The following FRAS1 variants were observed in gnomAD, a reference collection of about 807,000 sequenced individuals.
FRAS1 encodes the protein extracellular matrix organizing protein FRAS1.
FRAS1 carries 290 observed loss-of-function variants against 435.2 expected under a neutral mutation model. The observed-to-expected ratio is 0.67, with a 90% CI of 0.61 to 0.73. The LOEUF (loss-of-function observed/expected upper bound fraction) is 0.73, where lower values mean the gene tolerates loss of function less well. Ranked by LOEUF, FRAS1 falls within the 30% of genes least tolerant of loss-of-function variation. The pLI, the probability that FRAS1 is intolerant of heterozygous loss-of-function variation, is 0.00. For missense variants in FRAS1, 4,860 were observed against 5,001.5 expected, an observed-to-expected ratio of 0.97 and a Z score of 0.85; for synonymous variants, 1,800 against 1,851.0, an observed-to-expected ratio of 0.97 and a Z score of 0.71.
At chr4:78,161,079 T>C (rs1046453004) in intron 2 of FRAS1, among the ~76,000 whole-genome samples, 1 of 152,012 alleles carries the variant, frequency 6.6e-6, no homozygotes, top group African/African-American at 2.4e-5. Flanking sequence ...GCAGATGTTA[T>C]AGTGAGCTGA....
intron 58 of FRAS1, among the ~76,000 whole-genome samples, chr4:78,487,054 G>A (rs1043959489): frequency 2.6e-5 from 4 of 152,080 alleles, no homozygotes; most frequent in African/African-American, 7.2e-5. Context: ...TGCTGGGAGC[G>A]GAAAAGCTTC....
At chr4:78,442,662 T>C (rs76025477) in intron 41 of FRAS1, among the ~76,000 whole-genome samples, 3,948 of 152,322 alleles carry the variant, frequency 0.026, 173 homozygotes, top group African/African-American at 0.09. Flanking sequence ...AGAGGACTAT[T>C]CCCTGGCTAA....
intron 47 of FRAS1, among the ~76,000 whole-genome samples, chr4:78,455,633 T>C (rs775136615): frequency 1.3e-5 from 2 of 152,180 alleles, no homozygotes; most frequent in Non-Finnish European, 2.9e-5. Flanking sequence ...GATTGTCCTC[T>C]GTAGACAGGA....
chr4:78,456,204 T>A (rs35910872), intron 47 of FRAS1, among the ~76,000 whole-genome samples: 1 of 104,496 alleles, frequency 9.6e-6, no homozygotes, highest in East Asian at 2.3e-4. Context: ...AGTGCAACGG[T>A]GTGATCTTGG....
rs755229493 is a variant in FRAS1, at chr4:78,541,305, C to T, written c.*181C>T. 4 of 413,468 alleles carry T rather than the reference C, an allele frequency of 9.7e-6. No individual in the cohort carries two copies. Among genetic ancestry groups the T allele is most frequent in the Non-Finnish European group, 1.7e-5 (4 of 235,134 alleles). 25.6% of individuals were successfully genotyped at this position (413,468 alleles called of 1,614,324 possible). On this transcript the variant is annotated 3_prime_UTR_variant, in exon 74 of 74. Transcript: ENST00000512123. ...TCATTCAGCAAAGAACCACTGAGAA[C>T]CCCAGAGTATTACAGTTATTTCCGT...
At chr4:78,421,818 G>T in intron 33 of FRAS1, 45 bp from the exon 34 acceptor site, 2 of 1,605,676 alleles carry the variant, frequency 1.2e-6, no homozygotes, top group Non-Finnish European at 1.7e-6. Flanking sequence ...TTCAGTCAGT[G>T]ATGAGAATTA....
Position 78,479,726 on chromosome 4 carries a change from A to G in FRAS1, c.8443+8A>G, listed in dbSNP as rs373820698. 491 of 1,554,384 alleles carry G rather than the reference A, an allele frequency of 3.2e-4. No homozygotes were observed. Among genetic ancestry groups the G allele is most frequent in the Non-Finnish European group, 3.8e-4 (432 of 1,145,856 alleles). On this transcript the variant is annotated splice_region_variant and intron_variant, in intron 56 of 73. Coordinates refer to ENST00000512123, the MANE Select transcript of FRAS1 (RefSeq NM_025074.7). The stretch of plus-strand genomic sequence containing the variant: ...CTGTCAGTGAGGACGCAGGTAATGG[A>G]GAGTGTCTCTGAGTTTCCTTCACCT...
In FRAS1 at chr4:78,228,944, G is replaced by A. The variant is rs370951157; in HGVS notation, c.109-8566G>A. 1.2e-4 allele frequency among the ~76,000 whole-genome samples: 18 copies of A among 152,310 alleles called. No individual in the cohort carries two copies. In the East Asian group the frequency reaches 1.7e-3, roughly 15 times the overall value. On this transcript the variant is annotated intron_variant, in intron 2 of 73. Transcript: ENST00000512123. ...GACTCAGAAAAGCTAAGAGATTTGT[G>A]CGGAGTCCTAAAGCTAAGAAGTAAA...
At chr4:78,461,671 C>T (rs1180550583) in intron 47 of FRAS1, among the ~76,000 whole-genome samples, 1 of 152,178 alleles carries the variant, frequency 6.6e-6, no homozygotes, top group Non-Finnish European at 1.5e-5. Context: ...GTACTACCAC[C>T]TTGGAAAAGC....
In FRAS1 at chr4:78,286,539, G is replaced by T. The variant is rs752978311; in HGVS notation, c.1534G>T (p.Val512Phe). The T allele has an allele frequency of 6.2e-7, 1 of 1,611,278 alleles. No homozygotes were observed. Among genetic ancestry groups the T allele is most frequent in the Non-Finnish European group, 8.5e-7 (1 of 1,179,234 alleles). ...CTACCAAGATCGCCATTCCTGTGCA[G>T]GTAATCTCTGGCTGGGCCACAGTTG... is the stretch of plus-strand genomic sequence containing the variant. ...GFYQDRHSCA[V>F]CHESCAGCWG... is the part of the protein sequence containing the mutation. Residue 512 changes from valine (V) to phenylalanine (F), a missense_variant and splice_region_variant, in exon 14 of 74, where the codon GTC becomes TTC. Coordinates refer to ENST00000512123, the MANE Select transcript of FRAS1 (RefSeq NM_025074.7).
chr4:78,145,016 T>C (rs1416833290), intron 2 of FRAS1, among the ~76,000 whole-genome samples: 1 of 152,246 alleles, frequency 6.6e-6, no homozygotes, highest in Admixed American at 6.5e-5. Context: ...ACAATATTCA[T>C]TTCTAATGCT....
chr4:78,265,812 A>G (rs1176484687), intron 7 of FRAS1, among the ~76,000 whole-genome samples: 3 of 152,220 alleles, frequency 2.0e-5, no homozygotes, highest in African/African-American at 7.2e-5. Flanking sequence ...AAAAAGACTA[A>G]ATAGAAATTG....
At chr4:78,297,318 C>T (rs115774533) in intron 14 of FRAS1, among the ~76,000 whole-genome samples, 1,852 of 152,190 alleles carry the variant, frequency 0.012, 39 homozygotes, top group African/African-American at 0.042. Context: ...TCCAAACAGC[C>T]ACAGAAAAGA....
rs1210029946 is a variant in FRAS1, at chr4:78,540,597, C to T, written c.11512C>T (p.Pro3838Ser). 1.3e-6 allele frequency: 2 copies of T among 1,536,416 alleles called. No individual in the cohort carries two copies. Among genetic ancestry groups the T allele is most frequent in the South Asian group, 2.6e-5 (2 of 77,142 alleles). The change falls in exon 74 of 74, where the codon CCC (proline) becomes TCC (serine). Residue 3838 changes from proline to serine, a missense_variant. Pro to Ser is a moderately conservative substitution (Grantham distance 74, BLOSUM62 -1). Coordinates refer to ENST00000512123, the MANE Select transcript of FRAS1 (RefSeq NM_025074.7). ...YIIGPDTISGPRVQRSLTAPL... is the reference protein window; with the variant it reads ...YIIGPDTISGSRVQRSLTAPL... ...CATTGGCCCTGACACCATCTCAGGG[C>T]CCCGGGTCCAGCGCTCTCTCACAGC...
At chr4:78,424,910 A>G (rs1733938964) in intron 35 of FRAS1, among the ~76,000 whole-genome samples, 1 of 151,990 alleles carries the variant, frequency 6.6e-6, no homozygotes, top group South Asian at 2.1e-4. Context: ...AGCTTGGACA[A>G]TAGTGAAACC....
intron 54 of FRAS1, 78 bp downstream of exon 54, chr4:78,475,684 C>T: frequency 1.4e-6 from 2 of 1,380,198 alleles, no homozygotes; most frequent in Non-Finnish European, 1.9e-6. Flanking sequence ...CACTTTCCTA[C>T]TTCTTCCCAA....
At chr4:78,215,531 T>G (rs1723730104) in intron 2 of FRAS1, among the ~76,000 whole-genome samples, 1 of 152,302 alleles carries the variant, frequency 6.6e-6, no homozygotes, top group East Asian at 1.9e-4. Context: ...GTGTTAAGTG[T>G]ATCCACATTG....
At chr4:78,523,149 T>A (rs892415180) in intron 69 of FRAS1, among the ~76,000 whole-genome samples, 1 of 152,118 alleles carries the variant, frequency 6.6e-6, no homozygotes. Context: ...GAAACAAATC[T>A]TGCTCAGATC....
intron 18 of FRAS1, among the ~76,000 whole-genome samples, chr4:78,331,046 C>T (rs532575450): frequency 6.6e-6 from 1 of 152,270 alleles, no homozygotes; most frequent in South Asian, 2.1e-4. Context: ...TACTCTGTCC[C>T]TTTATTTCTC....
Sources: allele counts gnomAD v4.1 joint callset (sites outside exome capture counted in the v4.1 genomes callset), GRCh38; gene constraint gnomAD v4.1.1; transcripts MANE v1.5; gene names NCBI Gene and HGNC (gene_info 2026-07-23, HGNC 2026-07-21).